The following ZNF700 variants were observed in gnomAD, a reference collection of about 807,000 sequenced individuals.
ZNF700 encodes the protein zinc finger protein 700.
In ZNF700, 38 loss-of-function variants were observed where a neutral mutation model predicts 65.3. The ratio of observed to expected loss-of-function variants is 0.58; its 90% confidence interval spans 0.45 to 0.76. The LOEUF is 0.76. ZNF700 is among the 30% of genes least tolerant of loss of function. The pLI, the probability that ZNF700 is intolerant of heterozygous loss-of-function variation, is 0.00. For synonymous variants in ZNF700, 285 were observed against 290.4 expected (o/e 0.98, Z 0.19); for missense variants, 857 against 888.4 (o/e 0.96, Z 0.45).
chr19:11,928,817 C>T (rs985497293), intron 1 of ZNF700, among the ~76,000 whole-genome samples: 3 of 146,720 alleles, frequency 2.0e-5, no homozygotes, highest in African/African-American at 8.1e-5. Context: ...GGATGGCTCA[C>T]ACCTGTAACC....
At chr19:11,926,549 C>CGG (rs1972631169) in intron 1 of ZNF700, 1 of 153,076 alleles carries the variant, frequency 6.5e-6, no homozygotes, top group Non-Finnish European at 1.5e-5. Context: ...CCACTATGCC[C>CGG]TCCTAATTTT....
At chr19:11,938,103 C>T (rs1326567177) in intron 1 of ZNF700, among the ~76,000 whole-genome samples, 2 of 152,018 alleles carry the variant, frequency 1.3e-5, no homozygotes, top group Admixed American at 6.6e-5. Context: ...GAGTCTCACT[C>T]TGTCATCCAG....
At chr19:11,945,860 A>G (rs955772771) in intron 1 of ZNF700, among the ~76,000 whole-genome samples, 3 of 152,072 alleles carry the variant, frequency 2.0e-5, no homozygotes, top group Non-Finnish European at 2.9e-5. Flanking sequence ...TCGGGCATGT[A>G]CAAGAACTGG....
intron 1 of ZNF700, among the ~76,000 whole-genome samples, chr19:11,943,126 A>C (rs2145293990): frequency 6.6e-6 from 1 of 152,240 alleles, no homozygotes; most frequent in African/African-American, 2.4e-5. Flanking sequence ...TATTATTTCT[A>C]TTATAAGTGT....
At chr19:11,948,222 A>C in intron 3 of ZNF700, 54 bp from the exon 4 acceptor site, 1 of 1,569,472 alleles carries the variant, frequency 6.4e-7, no homozygotes, top group Non-Finnish European at 8.7e-7. Context: ...TTGTTGATTA[A>C]TATAGAAGTA....
At chr19:11,927,206 T>A (rs1972642213) in intron 1 of ZNF700, among the ~76,000 whole-genome samples, 1 of 151,844 alleles carries the variant, frequency 6.6e-6, no homozygotes, top group African/African-American at 2.4e-5. Flanking sequence ...TAGCAAAAAT[T>A]AGCCGGGTGT....
chr19:11,934,929 C>T (rs1379971747), intron 1 of ZNF700, among the ~76,000 whole-genome samples: 1 of 147,306 alleles, frequency 6.8e-6, no homozygotes, highest in Non-Finnish European at 1.5e-5. Context: ...GCCTGTAATC[C>T]CAGCACTTTG....
chr19:11,943,469 G>T (rs745340804), intron 1 of ZNF700, among the ~76,000 whole-genome samples: 4 of 152,198 alleles, frequency 2.6e-5, no homozygotes, highest in Non-Finnish European at 5.9e-5. Context: ...ATCCGGTTGA[G>T]CATGTAAATG....
chr19:11,950,342 G>T lies in ZNF700; in HGVS notation c.*89G>T. 1 of 1,319,748 alleles carries T rather than the reference G, an allele frequency of 7.6e-7. No individual in the cohort carries two copies. The highest frequency in any genetic ancestry group is 1.3e-5 in the South Asian group (1 of 76,332). The allele number at this position is 1,319,748 out of a possible 1,614,324, so 81.8% of individuals were successfully genotyped here. ...TGTGGCAAAACTTTCACATTTTCCA[G>T]TTCTTTTCGATATCATGAAAGGACT... On this transcript the variant is annotated 3_prime_UTR_variant, in exon 4 of 4. Transcript: ENST00000254321.
chr19:11,931,170 A>G (rs773560391), intron 1 of ZNF700, among the ~76,000 whole-genome samples: 2 of 148,088 alleles, frequency 1.4e-5, no homozygotes, highest in Non-Finnish European at 2.9e-5. Context: ...GGGCTGCTAT[A>G]TCAAATTACC....
At chr19:11,945,033 G>A (rs1972939041) in intron 1 of ZNF700, among the ~76,000 whole-genome samples, 1 of 152,232 alleles carries the variant, frequency 6.6e-6, no homozygotes, top group South Asian at 2.1e-4. Flanking sequence ...GTGGGTACAA[G>A]GTAGGCCACT....
chr19:11,950,197 A>G lies in ZNF700; in HGVS notation c.2173A>G (p.Thr725Ala). 2 of 1,613,762 alleles carry G rather than the reference A, an allele frequency of 1.2e-6. No homozygotes were observed. The highest frequency in any genetic ancestry group is 1.7e-5 in the Admixed American group (1 of 59,882). Residue 725 changes from threonine (T) to alanine (A), a missense_variant, in exon 4 of 4, where the codon ACT becomes GCT. Around this residue, in one of 3 missense-constraint regions of ZNF700, gnomAD observed 251 missense variants for 250.3 expected, o/e 1.00. Transcript: ENST00000254321. Reference sequence around the variant, plus strand: ...TTCTTCCTTGCATATACACGCAAGGACTCATATGGGAGAGAAGCCATATGA... The same window carrying G: ...TTCTTCCTTGCATATACACGCAAGGGCTCATATGGGAGAGAAGCCATATGA... Reference protein sequence around the residue: ...YFSSLHIHARTHMGEKPYECK... With the variant: ...YFSSLHIHARAHMGEKPYECK...
At chr19:11,947,623 A>G (rs1328362493) in intron 3 of ZNF700, 49 bp downstream of exon 3, 1 of 1,466,122 alleles carries the variant, frequency 6.8e-7, no homozygotes, top group South Asian at 1.2e-5. Context: ...ACAATCTTAG[A>G]ATATGAGAAT....
chr19:11,942,081 A>G (rs1485246600), intron 1 of ZNF700, among the ~76,000 whole-genome samples: 1 of 151,774 alleles, frequency 6.6e-6, no homozygotes. Flanking sequence ...TCTTACCAGC[A>G]TCTATCTAGC....
Position 11,931,795 on chromosome 19 carries a change from A to T in ZNF700, c.63+6522A>T, listed in dbSNP as rs913218639. On this transcript the variant is annotated intron_variant, in intron 1 of 3. Transcript: ENST00000254321. ...ATAATCATTTTTTATCCTTCTTGAG[A>T]CTTTTTTGGACTTCAAGAAAATTAG... 5.4e-5 allele frequency among the ~76,000 whole-genome samples: 8 copies of T among 148,214 alleles called. 3 individuals carry two copies. The highest frequency in any genetic ancestry group is 2.1e-4 in the African/African-American group (8 of 38,024).
At chr19:11,925,995 G>A (rs931996224) in intron 1 of ZNF700, among the ~76,000 whole-genome samples, 2 of 152,148 alleles carry the variant, frequency 1.3e-5, no homozygotes, top group African/African-American at 4.8e-5. Flanking sequence ...TGTGGAAGGG[G>A]GGTTAGAAGG....
At chr19:11,943,739 C>T (rs951700222) in intron 1 of ZNF700, among the ~76,000 whole-genome samples, 2 of 152,164 alleles carry the variant, frequency 1.3e-5, no homozygotes, top group Non-Finnish European at 2.9e-5. Context: ...CCTCAGTAAC[C>T]TGATGAATAC....
At chr19:11,925,308 G>A in intron 1 of ZNF700, 35 bp downstream of exon 1, 1 of 1,607,750 alleles carries the variant, frequency 6.2e-7, no homozygotes, top group Non-Finnish European at 8.5e-7. Flanking sequence ...TGAGACGGGG[G>A]AGGGGCTGCC....
chr19:11,950,453 A>C lies in ZNF700; in HGVS notation c.*200A>C. 1 of 717,850 alleles carries C rather than the reference A, an allele frequency of 1.4e-6. No individual in the cohort carries two copies. The allele number at this position is 717,850 out of a possible 1,614,324, so 44.5% of individuals were successfully genotyped here. ...TCTTTTCAATGTCATGAAAGGACTC[A>C]CACGGGAGAGAAACCCTATGAGTGT... On this transcript the variant is annotated 3_prime_UTR_variant, in exon 4 of 4. Coordinates refer to ENST00000254321, the MANE Select transcript of ZNF700 (RefSeq NM_144566.3).
Sources: gnomAD v4.1 joint callset for allele counts (sites outside exome capture counted in the v4.1 genomes callset) on GRCh38, gnomAD v4.1.1 for gene constraint, gnomAD v4.1.1 regional missense constraint, MANE v1.5 for transcripts, NCBI Gene and HGNC (gene_info 2026-07-23, HGNC 2026-07-21) for gene names.